SPG11: variants seen among roughly 807,000 people sequenced by gnomAD.
SPG11 encodes the protein SPG11 vesicle trafficking associated, spatacsin.
SPG11 carries 222 observed loss-of-function variants against 274.0 expected under a neutral mutation model. That is an observed-to-expected ratio of 0.81 (90% CI 0.73 to 0.91). The LOEUF is 0.91. Among genes scored for constraint, SPG11 ranks in the 40% least tolerant of loss-of-function variants. The pLI, the probability that SPG11 is intolerant of heterozygous loss-of-function variation, is 0.00. For missense variants in SPG11, 3,114 were observed against 2,872.7 expected, an observed-to-expected ratio of 1.08 and a Z score of -1.92; for synonymous variants, 1,144 against 1,039.7, an observed-to-expected ratio of 1.10 and a Z score of -1.93.
intron 31 of SPG11, among the ~76,000 whole-genome samples, chr15:44,574,274 G>A (rs1209836464): frequency 6.6e-6 from 1 of 152,220 alleles, no homozygotes; most frequent in African/African-American, 2.4e-5. Flanking sequence ...GAATTGCTGG[G>A]ATTATAGGCA....
At chr15:44,573,991 C>T (rs1433952714) in intron 31 of SPG11, among the ~76,000 whole-genome samples, 1 of 152,146 alleles carries the variant, frequency 6.6e-6, no homozygotes, top group Admixed American at 6.5e-5. Context: ...TTGTTGGACA[C>T]TTATTTTTTT....
At chr15:44,567,306 G>T (rs957050734) in intron 36 of SPG11, 118 bp downstream of exon 36, 43 of 1,091,312 alleles carry the variant, frequency 3.9e-5, no homozygotes, top group Non-Finnish European at 5.6e-5. Context: ...AGCTGAGATC[G>T]TGCCACTGCA....
chr15:44,621,873 AT>A lies in SPG11; in HGVS notation c.2505del (p.Lys835AsnfsTer17), dbSNP rs1437020666. ...TTGTTAAATTCATCTTTACAATCAT[AT>A]TTCAGGAATGAGTCCAAAACAGACT... ...KHKSVLDSFL[K>X]YDCKDEFNKQ... On this transcript the variant is annotated frameshift_variant, in exon 14 of 40. Coordinates refer to ENST00000261866, the MANE Select transcript of SPG11 (RefSeq NM_025137.4). LOFTEE classifies it high-confidence loss of function. 1 of 1,613,740 alleles carries A rather than the reference AT, an allele frequency of 6.2e-7. No individual in the cohort carries two copies. Among genetic ancestry groups the A allele is most frequent in the East Asian group, 2.2e-5 (1 of 44,852 alleles).
In SPG11 at chr15:44,567,459, C is replaced by G; in HGVS notation, c.6719G>C (p.Arg2240Pro). ...EIGENHEAAA[R>P]IQLKLIESQP... ...AGACTCAATCAATTTCAGTTGGATG[C>G]GGGCAGCTGCCTCGTGGTTCTCGCC... The change falls in exon 36 of 40, where the codon CGC becomes CCC. Residue 2240 changes from arginine to proline, a missense_variant. Coordinates refer to ENST00000261866, the MANE Select transcript of SPG11 (RefSeq NM_025137.4). 6.2e-7 allele frequency: 1 copy of G among 1,613,886 alleles called. No homozygotes were observed.
chr15:44,563,072 C>G lies in SPG11; in HGVS notation c.*49G>C. 6.4e-7 allele frequency: 1 copy of G among 1,563,900 alleles called. No homozygotes were observed. Among genetic ancestry groups the G allele is most frequent in the Non-Finnish European group, 8.8e-7 (1 of 1,135,240 alleles). ...CAATGCATTCTTCTTCTCATCACAT[C>G]TGTCAGAATCTGCTAACAGTACAAG... is the stretch of plus-strand genomic sequence containing the variant. On this transcript the variant is annotated 3_prime_UTR_variant, in exon 40 of 40. Transcript: ENST00000261866.
At chr15:44,636,968 A>AAAAAAAAC (rs2084294668) in intron 7 of SPG11, among the ~76,000 whole-genome samples, 3 of 146,634 alleles carry the variant, frequency 2.0e-5, no homozygotes, top group Non-Finnish European at 3.0e-5. Flanking sequence ...CAAAAAAAAA[A>AAAAAAAAC]CACAAATGTG....
Position 44,648,862 on chromosome 15 carries a change from T to C in SPG11, c.1602+4A>G. 1 of 1,613,962 alleles carries C rather than the reference T, an allele frequency of 6.2e-7. No individual in the cohort carries two copies. The highest frequency in any genetic ancestry group is 1.7e-4 in the Middle Eastern group (1 of 6,060). ...TAATGTTCTTGGGCATTTAATTCTG[T>C]TACCTCTAGTGCATGTATGGGAATT... On this transcript the variant is annotated splice_donor_region_variant and intron_variant, in intron 7 of 39. Transcript: ENST00000261866.
rs759779461 is a variant in SPG11 at position 44,659,058 on chromosome 15, C to T, written c.667+21G>A. ...TTCTTCTCCTCTACGTATCAATCAA[C>T]ACTTCTACCACCAAGGATACAGATC... On this transcript the variant is annotated intron_variant, in intron 3 of 39. Coordinates refer to ENST00000261866, the MANE Select transcript of SPG11 (RefSeq NM_025137.4). 3.1e-6 allele frequency: 5 copies of T among 1,610,280 alleles called. No individual in the cohort carries two copies. In the South Asian group the frequency reaches 4.4e-5, roughly 14 times the overall value.
Position 44,598,881 on chromosome 15 carries a change from T to C in SPG11, c.3687-45A>G, listed in dbSNP as rs1009086667. On this transcript the variant is annotated intron_variant, in intron 21 of 39. Transcript: ENST00000261866. Reference sequence around the variant, plus strand: ...AAATCACATCAGCACATGAAAATTATGTCTCACCAGGAAAAGCAAATGGAA... The same window carrying C: ...AAATCACATCAGCACATGAAAATTACGTCTCACCAGGAAAAGCAAATGGAA... 21 of 1,579,138 alleles carry C rather than the reference T, an allele frequency of 1.3e-5. No homozygotes were observed. The Middle Eastern group carries it at 5.0e-4, about 37-fold the overall frequency.
intron 28 of SPG11, among the ~76,000 whole-genome samples, chr15:44,586,639 G>C (rs2082771300): frequency 6.6e-6 from 1 of 151,792 alleles, no homozygotes; most frequent in South Asian, 2.1e-4. Context: ...GTGAGACTCT[G>C]TCTCAAAAAG....
intron 35 of SPG11, 69 bp downstream of exon 35, chr15:44,569,329 T>G: frequency 1.6e-5 from 19 of 1,151,724 alleles, no homozygotes; most frequent in South Asian, 2.6e-5. Flanking sequence ...AGATTATTCC[T>G]GAGAAAAGCT....
intron 3 of SPG11, among the ~76,000 whole-genome samples, chr15:44,657,553 T>C (rs2084977446): frequency 6.6e-6 from 1 of 152,178 alleles, no homozygotes; most frequent in South Asian, 2.1e-4. Flanking sequence ...GCACTGCTAT[T>C]TTCCAACAGC....
intron 26 of SPG11, among the ~76,000 whole-genome samples, chr15:44,593,802 G>A (rs1302606541): frequency 2.7e-5 from 4 of 147,654 alleles, no homozygotes; most frequent in African/African-American, 7.6e-5. Context: ...CACCCAGGCT[G>A]CAGTGCAGTG....
intron 32 of SPG11, 63 bp from the exon 33 acceptor site, chr15:44,572,883 C>CT (rs2082452206): frequency 1.3e-6 from 2 of 1,568,624 alleles, no homozygotes; most frequent in Non-Finnish European, 1.8e-6. Context: ...TCTGCCCAGG[C>CT]TTAGGCACCA....
intron 29 of SPG11, among the ~76,000 whole-genome samples, chr15:44,584,948 C>T (rs926228263): frequency 6.6e-6 from 1 of 152,088 alleles, no homozygotes; most frequent in African/African-American, 2.4e-5. Context: ...TTGTTAAAAC[C>T]AAATCAAATC....
At chr15:44,615,631 C>G in intron 15 of SPG11, 65 bp from the exon 16 acceptor site, 2 of 1,409,150 alleles carry the variant, frequency 1.4e-6, no homozygotes, top group African/African-American at 1.4e-5. Context: ...CCAAATCATG[C>G]CCACAGTTTA....
In SPG11 at chr15:44,562,753, C is replaced by T. The variant is rs2082218152; in HGVS notation, c.*368G>A. 1 of 186,720 alleles carries T rather than the reference C, an allele frequency of 5.4e-6. No homozygotes were observed. The highest frequency in any genetic ancestry group is 2.4e-5 in the African/African-American group (1 of 42,140). The allele number at this position is 186,720 out of a possible 1,614,324, so 11.6% of individuals were successfully genotyped here. A position where few individuals can be genotyped will look rare whatever the true frequency, so the allele number is the denominator to read the frequency against. On this transcript the variant is annotated 3_prime_UTR_variant, in exon 40 of 40. Transcript: ENST00000261866. ...CAGTTTCTAACAAATGAAAATGTAT[C>T]ACCTGTTCCTTAACTGTGTAAATAA...
At chr15:44,613,985 A>G (rs776128019) in intron 16 of SPG11, among the ~76,000 whole-genome samples, 1 of 152,152 alleles carries the variant, frequency 6.6e-6, no homozygotes, top group Non-Finnish European at 1.5e-5. Flanking sequence ...TCGAGGCTGC[A>G]ATGAACCATG....
chr15:44,654,565 G>A (rs183287831), intron 4 of SPG11, among the ~76,000 whole-genome samples: 6 of 151,716 alleles, frequency 4.0e-5, no homozygotes, highest in East Asian at 2.0e-4. Context: ...TTGGCTGGGC[G>A]CGGTGGCTCA....
Sources: gnomAD v4.1 joint callset for allele counts (sites outside exome capture counted in the v4.1 genomes callset) on GRCh38, gnomAD v4.1.1 for gene constraint, MANE v1.5 for transcripts, NCBI Gene and HGNC (gene_info 2026-07-23, HGNC 2026-07-21) for gene names.